Variants in THUMPD2 observed in about 807,000 individuals in gnomAD.
The protein encoded by THUMPD2 is THUMP domain 2 tRNA and snRNA guanosine methyltransferase, also known as U6 snRNA (guanine-N(2))-methyltransferase THUMPD2.
THUMPD2 carries 56 observed loss-of-function variants against 49.4 expected under a neutral mutation model. The observed-to-expected ratio is 1.13, with a 90% confidence interval of 0.91 to 1.41. The LOEUF is 1.41. THUMPD2 is among the 40% of genes most tolerant of loss of function. THUMPD2 has a pLI of 0.00. For synonymous variants in THUMPD2, 237 were observed against 205.2 expected, an observed-to-expected ratio of 1.15 and a Z score of -1.32; for missense variants, 709 against 594.5, an observed-to-expected ratio of 1.19 and a Z score of -2.00.
At chr2:39,756,574 C>G (rs941367836) in intron 6 of THUMPD2, among the ~76,000 whole-genome samples, 7 of 151,778 alleles carry the variant, frequency 4.6e-5, no homozygotes, top group African/African-American at 7.3e-5. Context: ...GAACACGGGT[C>G]TGGTCAAATG....
intron 3 of THUMPD2, chr2:39,769,071 G>C (rs1484616054): frequency 7.7e-7 from 1 of 1,304,338 alleles, no homozygotes; most frequent in Admixed American, 2.3e-5. Context: ...TCTAGGTCCT[G>C]GTGACAATCC....
At chr2:39,764,795 C>A (rs1320582377) in intron 5 of THUMPD2, among the ~76,000 whole-genome samples, 1 of 152,206 alleles carries the variant, frequency 6.6e-6, no homozygotes, top group African/African-American at 2.4e-5. Flanking sequence ...CCTTCCTACA[C>A]TGAGGTAGTC....
In THUMPD2 at chr2:39,737,011, G is replaced by C; in HGVS notation, c.1236C>G (p.His412Gln). Reference sequence around the variant, plus strand: ...CTTTACAATCTGTAAGGCGCCTGTGGTGATCTTCACTAAGCAACAATACAA... The same window carrying C: ...CTTTACAATCTGTAAGGCGCCTGTGCTGATCTTCACTAAGCAACAATACAA... The part of the protein sequence containing the change: ...GTIVLLLSED[H>Q]HRRLTDCKES... The change falls in exon 10 of 10, where the codon CAC (histidine) becomes CAG (glutamine). Residue 412 changes from histidine (H) to glutamine (Q), a missense_variant. Physicochemically the swap from His to Gln is conservative, Grantham distance 24. Transcript: ENST00000505747. The C allele has an allele frequency of 6.2e-7, 1 of 1,613,856 alleles. No homozygotes were observed. Among genetic ancestry groups the C allele is most frequent in the Non-Finnish European group, 8.5e-7 (1 of 1,179,952 alleles).
rs1046040561 is a variant in THUMPD2 at position 39,736,957 on chromosome 2, G to C, written c.1290C>G (p.Asp430Glu). 25 of 1,613,930 alleles carry C rather than the reference G, an allele frequency of 1.5e-5. No individual in the cohort carries two copies. The highest frequency in any genetic ancestry group is 2.1e-5 in the Non-Finnish European group (25 of 1,179,996). Reference sequence around the variant, plus strand: ...TAATTCCAGGTTCATCTGTGTGACTGTCCTTGGAATTGAAAGGGATGTTGC... The same window carrying C: ...TAATTCCAGGTTCATCTGTGTGACTCTCCTTGGAATTGAAAGGGATGTTGC... The part of the protein sequence containing the change: ...KESNIPFNSK[D>E]SHTDEPGIKK... Residue 430 changes from aspartate to glutamate, a missense_variant, in exon 10 of 10, where the codon GAC becomes GAG. Asp to Glu is a conservative substitution (Grantham distance 45, BLOSUM62 2). Coordinates refer to ENST00000505747, the MANE Select transcript of THUMPD2 (RefSeq NM_025264.5).
In THUMPD2 at chr2:39,744,448, A is replaced by C; in HGVS notation, c.1109T>G (p.Ile370Ser). ...CCCAAATGGAATGTCAGAAATAATAATATCAACACTTTCTGAAGGCAATGG... is the reference window on the plus strand; with the variant it reads ...CCCAAATGGAATGTCAGAAATAATACTATCAACACTTTCTGAAGGCAATGG... ...ELPLPSESVDIIISDIPFGKK... is the reference protein window; with the variant it reads ...ELPLPSESVDSIISDIPFGKK... Residue 370 changes from isoleucine to serine, a missense_variant, in exon 9 of 10, where the codon ATT becomes AGT. Coordinates refer to ENST00000505747, the MANE Select transcript of THUMPD2 (RefSeq NM_025264.5). The C allele has an allele frequency of 6.3e-7, 1 of 1,585,394 alleles. No homozygotes were observed. The highest frequency in any genetic ancestry group is 1.4e-5 in the African/African-American group (1 of 73,070).
chr2:39,761,262 A>G lies in THUMPD2; in HGVS notation c.891+69T>C, dbSNP rs115749704. 9,795 of 1,356,926 alleles carry G rather than the reference A, an allele frequency of 7.2e-3. 46 individuals are homozygous for G. The highest frequency in any genetic ancestry group is 9.3e-3 in the Non-Finnish European group (8,830 of 952,186). 84.1% of individuals were successfully genotyped at this position (1,356,926 alleles called of 1,614,324 possible). On this transcript the variant is annotated intron_variant, in intron 6 of 9. Transcript: ENST00000505747. ...AAGCAAGTAACATAAATATCCATCA[A>G]TAAGAGACTGTATAAGTTAATTATG... is the stretch of plus-strand genomic sequence containing the variant.
At chr2:39,747,513 G>A (rs1674773841) in intron 8 of THUMPD2, among the ~76,000 whole-genome samples, 1 of 152,120 alleles carries the variant, frequency 6.6e-6, no homozygotes, top group Non-Finnish European at 1.5e-5. Flanking sequence ...TCTGAGAAGA[G>A]AATGCTAGAA....
chr2:39,767,520 C>T (rs1186418783), intron 4 of THUMPD2, among the ~76,000 whole-genome samples: 2 of 145,092 alleles, frequency 1.4e-5, no homozygotes, highest in African/African-American at 2.6e-5. Flanking sequence ...AGGAGAATGG[C>T]GTGAACCCGG....
chr2:39,762,081 G>A (rs1025861762), intron 5 of THUMPD2, among the ~76,000 whole-genome samples: 4 of 152,102 alleles, frequency 2.6e-5, no homozygotes, highest in African/African-American at 9.7e-5. Context: ...TTTTCAAAAT[G>A]TCATCTATTA....
chr2:39,750,514 C>G (rs1200333772), intron 8 of THUMPD2, among the ~76,000 whole-genome samples: 1 of 152,152 alleles, frequency 6.6e-6, no homozygotes, highest in African/African-American at 2.4e-5. Flanking sequence ...TGCGACCAGC[C>G]TGGGCAACAT....
intron 8 of THUMPD2, among the ~76,000 whole-genome samples, chr2:39,752,558 C>A (rs1158703593): frequency 6.6e-6 from 1 of 152,128 alleles, no homozygotes; most frequent in Admixed American, 6.5e-5. Flanking sequence ...CAATAAAGGG[C>A]TAATTATTAG....
At chr2:39,775,166 C>G (rs756985895) in intron 1 of THUMPD2, among the ~76,000 whole-genome samples, 6 of 152,018 alleles carry the variant, frequency 3.9e-5, no homozygotes, top group Non-Finnish European at 5.9e-5. Context: ...GTCCAAGAGG[C>G]TACTCAGAAG....
intron 8 of THUMPD2, among the ~76,000 whole-genome samples, chr2:39,751,553 G>C (rs533940029): frequency 1.3e-5 from 2 of 152,026 alleles, no homozygotes; most frequent in East Asian, 3.9e-4. Context: ...TATATCTGCA[G>C]ATTTAAAAAA....
intron 8 of THUMPD2, among the ~76,000 whole-genome samples, chr2:39,750,105 A>C (rs533785146): frequency 6.6e-6 from 1 of 152,164 alleles, no homozygotes; most frequent in Admixed American, 6.5e-5. Flanking sequence ...ATTCCTTTGG[A>C]TATATGCACT....
intron 3 of THUMPD2, 98 bp downstream of exon 3, chr2:39,769,612 G>T: frequency 7.9e-7 from 1 of 1,272,904 alleles, no homozygotes; most frequent in Non-Finnish European, 1.0e-6. Context: ...TGAGGCAAAA[G>T]AATCACCTGA....
intron 8 of THUMPD2, among the ~76,000 whole-genome samples, chr2:39,750,567 G>T (rs1675266261): frequency 6.6e-6 from 1 of 151,990 alleles, no homozygotes; most frequent in Non-Finnish European, 1.5e-5. Context: ...ATTAGCTGGG[G>T]GTGATGGTGT....
At chr2:39,757,497 A>T in intron 6 of THUMPD2, 1 of 1,034,546 alleles carries the variant, frequency 9.7e-7, no homozygotes, top group Non-Finnish European at 1.3e-6. Flanking sequence ...TTAAATGCAA[A>T]TTTTGTTGAA....
intron 6 of THUMPD2, among the ~76,000 whole-genome samples, chr2:39,759,106 G>A (rs1458722448): frequency 6.6e-6 from 1 of 152,070 alleles, no homozygotes; most frequent in African/African-American, 2.4e-5. Context: ...ATGTCAAAAG[G>A]ATAGGAGACT....
At chr2:39,751,739 C>A (rs892145777) in intron 8 of THUMPD2, among the ~76,000 whole-genome samples, 2 of 128,192 alleles carry the variant, frequency 1.6e-5, no homozygotes, top group African/African-American at 6.1e-5. Flanking sequence ...GGCTGAAGTG[C>A]TGTGGCACAA....
Sources: gnomAD v4.1 joint callset for allele counts (sites outside exome capture counted in the v4.1 genomes callset) on GRCh38, gnomAD v4.1.1 for gene constraint, MANE v1.5 for transcripts, NCBI Gene and HGNC (gene_info 2026-07-23, HGNC 2026-07-21) for gene names.